The following MAML2 variants were observed in gnomAD, a reference collection of about 807,000 sequenced individuals.
MAML2 encodes the protein mastermind-like protein 2.
A neutral mutation model predicts 96.1 loss-of-function variants in MAML2; 22 were observed. That is an observed-to-expected ratio of 0.23 (90% CI 0.16 to 0.33). MAML2 has a LOEUF of 0.33. MAML2 is among the 10% of genes least tolerant of loss of function. MAML2 has a pLI of 1.00. For synonymous variants in MAML2, 561 were observed against 521.3 expected, an observed-to-expected ratio of 1.08 and a Z score of -1.04; for missense variants, 1,367 against 1,392.4, an observed-to-expected ratio of 0.98 and a Z score of 0.29.
At chr11:96,290,498 G>A (rs1863194037) in intron 1 of MAML2, among the ~76,000 whole-genome samples, 1 of 152,182 alleles carries the variant, frequency 6.6e-6, no homozygotes, top group Non-Finnish European at 1.5e-5. Flanking sequence ...GAAGCATTGA[G>A]TAGCCAAACT....
chr11:96,246,523 A>G (rs1862514573), intron 1 of MAML2, among the ~76,000 whole-genome samples: 1 of 152,004 alleles, frequency 6.6e-6, no homozygotes, highest in African/African-American at 2.4e-5. Context: ...TCCTCAACAT[A>G]TCCAAAAACT....
At chr11:96,134,193 C>T (rs1291694865) in intron 1 of MAML2, among the ~76,000 whole-genome samples, 1 of 152,160 alleles carries the variant, frequency 6.6e-6, no homozygotes, top group Non-Finnish European at 1.5e-5. Context: ...TGGCAGGACA[C>T]AGGACTCTAT....
intron 2 of MAML2, among the ~76,000 whole-genome samples, chr11:96,082,657 T>C (rs1218820781): frequency 6.6e-6 from 1 of 152,130 alleles, no homozygotes; most frequent in Non-Finnish European, 1.5e-5. Context: ...TAGAGATAAC[T>C]AGAACGCCAG....
intron 1 of MAML2, among the ~76,000 whole-genome samples, chr11:96,200,531 C>A (rs1861805394): frequency 6.6e-6 from 1 of 152,202 alleles, no homozygotes; most frequent in Non-Finnish European, 1.5e-5. Flanking sequence ...ATTTGGTAAA[C>A]TAAGAGCCTG....
rs367875715 is a variant in MAML2 at position 96,195,673 on chromosome 11, C to T, written c.514-102156G>A. Among the ~76,000 whole-genome samples, 93 of 152,312 alleles carry T rather than the reference C, an allele frequency of 6.1e-4. 2 individuals carry two copies. The South Asian group carries it at 0.019, about 31-fold the overall frequency. ...GGTGAAACTTGCACCAGGTAACCAA[C>T]TAGGACTTATACCTCCATAGAATGG... On this transcript the variant is annotated intron_variant, in intron 1 of 4. Coordinates refer to ENST00000524717, the MANE Select transcript of MAML2 (RefSeq NM_032427.4).
At chr11:96,172,502 G>A (rs1056663005) in intron 1 of MAML2, among the ~76,000 whole-genome samples, 9 of 152,212 alleles carry the variant, frequency 5.9e-5, no homozygotes, top group African/African-American at 1.7e-4. Flanking sequence ...TTCTGTTCAC[G>A]TCCTCTTACG....
At chr11:96,032,175 G>T (rs543178827) in intron 2 of MAML2, among the ~76,000 whole-genome samples, 85 of 152,202 alleles carry the variant, frequency 5.6e-4, no homozygotes, top group South Asian at 4.1e-3. Context: ...ACTCCAGACA[G>T]GATAGCAAAG....
chr11:96,258,457 CTGT>C (rs1437326509), intron 1 of MAML2, among the ~76,000 whole-genome samples: 1 of 152,182 alleles, frequency 6.6e-6, no homozygotes, highest in African/African-American at 2.4e-5. Context: ...AACCCACATC[CTGT>C]TGTTATCCAC....
At chr11:96,233,366 AAC>A in intron 1 of MAML2, among the ~76,000 whole-genome samples, 1 of 152,040 alleles carries the variant, frequency 6.6e-6, no homozygotes, top group South Asian at 2.1e-4. Context: ...CAGGAAAAAA[AAC>A]AGACATTCAT....
intron 3 of MAML2, among the ~76,000 whole-genome samples, chr11:95,987,465 T>C (rs1857845227): frequency 6.6e-6 from 1 of 152,166 alleles, no homozygotes; most frequent in South Asian, 2.1e-4. Context: ...CCCAAAGCAA[T>C]CTCAATTTTC....
chr11:96,161,579 G>A (rs928272060), intron 1 of MAML2, among the ~76,000 whole-genome samples: 3 of 152,080 alleles, frequency 2.0e-5, no homozygotes, highest in Non-Finnish European at 4.4e-5. Flanking sequence ...TCCAGATACT[G>A]GAATTATTTA....
At chr11:96,243,157 T>G (rs977914607) in intron 1 of MAML2, among the ~76,000 whole-genome samples, 1 of 152,162 alleles carries the variant, frequency 6.6e-6, no homozygotes, top group East Asian at 1.9e-4. Context: ...TTGTTCCCAG[T>G]AGAGTTTATT....
intron 1 of MAML2, among the ~76,000 whole-genome samples, chr11:96,128,965 A>G (rs1860498036): frequency 6.6e-6 from 1 of 152,196 alleles, no homozygotes; most frequent in Non-Finnish European, 1.5e-5. Flanking sequence ...ATTTTACAGT[A>G]TAGTCTATTT....
At chr11:96,155,509 A>AATACAT (rs541216405) in intron 1 of MAML2, among the ~76,000 whole-genome samples, 4,146 of 74,730 alleles carry the variant, frequency 0.055, 443 homozygotes, top group Non-Finnish European at 0.072. Flanking sequence ...TAACAATTCA[A>AATACAT]ATATATATAT....
At chr11:96,106,808 T>C (rs1860028507) in intron 1 of MAML2, among the ~76,000 whole-genome samples, 1 of 146,238 alleles carries the variant, frequency 6.8e-6, no homozygotes, top group Non-Finnish European at 1.5e-5. Context: ...CCACTGGGAC[T>C]TAACTCCCCC....
Position 96,162,221 on chromosome 11 carries a change from C to T in MAML2, c.514-68704G>A, listed in dbSNP as rs1010807149. 1.1e-4 allele frequency among the ~76,000 whole-genome samples: 8 copies of T among 74,654 alleles called. No homozygotes were observed. In the South Asian group the frequency reaches 1.3e-3, roughly 12 times the overall value. The allele number at this position is 74,654 out of a possible 152,430, so 49.0% of individuals were successfully genotyped here. On this transcript the variant is annotated intron_variant, in intron 1 of 4. Coordinates refer to ENST00000524717, the MANE Select transcript of MAML2 (RefSeq NM_032427.4). Reference sequence around the variant, plus strand: ...TTTTCTGCAATGAACATATCCAGTTCTTTACATGCAGAATCAGGTCTGACT... The same window carrying T: ...TTTTCTGCAATGAACATATCCAGTTTTTTACATGCAGAATCAGGTCTGACT...
rs550056321 is a variant in MAML2, at chr11:96,042,126, G to A, written c.2139+49766C>T. On this transcript the variant is annotated intron_variant, in intron 2 of 4. Coordinates refer to ENST00000524717, the MANE Select transcript of MAML2 (RefSeq NM_032427.4). ...CGAGTGGCTGGGACTACAGGCGCCC[G>A]CCACCATGCCTGGCTAATTTTTTGT... is the stretch of plus-strand genomic sequence containing the variant. Among the ~76,000 whole-genome samples the A allele has an allele frequency of 2.0e-4, 31 of 152,116 alleles. No homozygotes were observed. The South Asian group carries it at 5.0e-3, about 24-fold the overall frequency.
intron 1 of MAML2, among the ~76,000 whole-genome samples, chr11:96,097,528 T>C (rs968439409): frequency 6.6e-6 from 1 of 152,060 alleles, no homozygotes; most frequent in African/African-American, 2.4e-5. Context: ...GGGAAGGATC[T>C]CCAAAACAAA....
intron 1 of MAML2, among the ~76,000 whole-genome samples, chr11:96,201,319 G>A (rs1861818866): frequency 6.6e-6 from 1 of 152,170 alleles, no homozygotes; most frequent in Non-Finnish European, 1.5e-5. Context: ...AGAGAAGGAT[G>A]TTTAATTGCC....
Sources: gnomAD v4.1 joint callset for allele counts (sites outside exome capture counted in the v4.1 genomes callset) on GRCh38, gnomAD v4.1.1 for gene constraint, MANE v1.5 for transcripts, NCBI Gene and HGNC (gene_info 2026-07-23, HGNC 2026-07-21) for gene names.